FLT4: variants seen among roughly 807,000 people sequenced by gnomAD.
The protein encoded by FLT4 is vascular endothelial growth factor receptor 3.
Under a neutral mutation model 163.2 loss-of-function variants are expected in FLT4, and 30 were observed. The observed-to-expected ratio is 0.18, with a 90% CI of 0.14 to 0.25. The LOEUF is 0.25. Ranked by LOEUF, FLT4 falls within the 10% of genes least tolerant of loss-of-function variation. FLT4 has a pLI of 1.00. For synonymous variants in FLT4, 884 were observed against 789.5 expected (o/e 1.12, Z -2.01); for missense variants, 1,510 against 1,863.8 (o/e 0.81, Z 3.50).
At chr5:180,618,704 T>C in intron 21 of FLT4, 66 bp downstream of exon 21, 1 of 1,541,258 alleles carries the variant, frequency 6.5e-7, no homozygotes, top group South Asian at 1.2e-5. Context: ...CAGGCTGGGG[T>C]GCCTGATCAC....
In FLT4 at chr5:180,629,422, C is replaced by G. The variant is rs546055152; in HGVS notation, c.822G>C (p.Glu274Asp). The stretch of plus-strand genomic sequence containing the variant: ...GTCGCTCGGGCACCCACTTACCCCG[C>G]TCTGCCTGCCCGCACCCAGGGAAGC... ...FDWDYPGKQA[E>D]RGKWVPERRS... Residue 274 changes from glutamate to aspartate, a missense_variant, in exon 7 of 30, where the codon GAG (glutamate) becomes GAC (aspartate). This residue lies in a region of FLT4 where 163 missense variants were observed against 281.1 expected (regional missense o/e 0.58). Transcript: ENST00000261937. The G allele has an allele frequency of 1.9e-5, 31 of 1,610,974 alleles. No individual in the cohort carries two copies. Among genetic ancestry groups the G allele is most frequent in the Non-Finnish European group, 2.5e-5 (30 of 1,179,958 alleles).
At chr5:180,608,752 C>T (rs562895097) in intron 29 of FLT4, among the ~76,000 whole-genome samples, 1 of 152,264 alleles carries the variant, frequency 6.6e-6, no homozygotes, top group Non-Finnish European at 1.5e-5. Flanking sequence ...GGTGTCGGGA[C>T]CAGCGCCCAC....
intron 1 of FLT4, among the ~76,000 whole-genome samples, chr5:180,644,278 A>T (rs1296831561): frequency 1.3e-5 from 2 of 152,174 alleles, no homozygotes; most frequent in African/African-American, 4.8e-5. Flanking sequence ...GCGTGAGCGG[A>T]AAGAGGGCAC....
In FLT4 at chr5:180,607,549, G is replaced by A. The variant is rs530174876; in HGVS notation, c.3893+1419C>T. Among the ~76,000 whole-genome samples the A allele has an allele frequency of 6.2e-4, 94 of 151,796 alleles. 1 individual carries two copies. Among genetic ancestry groups the A allele is most frequent in the Admixed American group, 1.6e-3 (24 of 15,246 alleles). On this transcript the variant is annotated intron_variant, in intron 29 of 29. Coordinates refer to ENST00000261937, the MANE Select transcript of FLT4 (RefSeq NM_182925.5). ...CCAGCTACTCGGAAGGCTGAGGCAG[G>A]AGAATGGCGTGAACCCAGGAGGCGG...
chr5:180,615,618 C>CCGAAATCCACTGT, intron 23 of FLT4, among the ~76,000 whole-genome samples: 1 of 111,108 alleles, frequency 9.0e-6, no homozygotes, highest in African/African-American at 3.7e-5. Context: ...TTCTCCACTT[C>CCGAAATCCACTGT]CTTTCGGAGC....
At position 180,630,545 on chromosome 5, in the gene FLT4, C is replaced by T. The variant is rs749137232; in HGVS notation, c.400+10G>A. 6.2e-7 allele frequency: 1 copy of T among 1,612,746 alleles called. No homozygotes were observed. Among genetic ancestry groups the T allele is most frequent in the African/African-American group, 1.3e-5 (1 of 75,032 alleles). ...ACCCTGCTCCAGCCTGGCCCGCCTC[C>T]AAGTCTCACCTCTCACGAACACGTA... On this transcript the variant is annotated intron_variant, in intron 3 of 29. Coordinates refer to ENST00000261937, the MANE Select transcript of FLT4 (RefSeq NM_182925.5). The surrounding 1 kb of genome is among the most constrained non-coding windows in gnomAD (Gnocchi z 6.3).
At chr5:180,646,951 T>A (rs2127874951) in intron 1 of FLT4, among the ~76,000 whole-genome samples, 1 of 152,264 alleles carries the variant, frequency 6.6e-6, no homozygotes, top group Non-Finnish European at 1.5e-5. Context: ...GAACAGCACC[T>A]GCATTCGAGT....
At chr5:180,632,108 G>A (rs112179787) in intron 1 of FLT4, among the ~76,000 whole-genome samples, 8 of 152,150 alleles carry the variant, frequency 5.3e-5, no homozygotes, top group Admixed American at 3.9e-4. Context: ...GGGGAGGGGC[G>A]CTGGAGTGTG....
At chr5:180,604,826 T>C (rs1156764000) in intron 29 of FLT4, among the ~76,000 whole-genome samples, 1 of 152,268 alleles carries the variant, frequency 6.6e-6, no homozygotes, top group Non-Finnish European at 1.5e-5. Flanking sequence ...GTCTCTTTTC[T>C]ATTCCTGTCA....
chr5:180,649,535 C>G lies in FLT4; in HGVS notation c.11G>C (p.Gly4Ala), dbSNP rs999429850. Residue 4 changes from glycine (G) to alanine (A), a missense_variant, in exon 1 of 30, where the codon GGC becomes GCC. By Grantham distance (60) the Gly-to-Ala change is moderately conservative (BLOSUM62 0). Coordinates refer to ENST00000261937, the MANE Select transcript of FLT4 (RefSeq NM_182925.5). ...CCACAGTCGCAGGCACAGCGCGGCG[C>G]CCCGCTGCATCTCCGGCCGCTGCGC... MQR[G>A]AALCLRLWLC... 22 of 1,440,406 alleles carry G rather than the reference C, an allele frequency of 1.5e-5. No homozygotes were observed. In the Middle Eastern group the frequency reaches 7.5e-4, roughly 49 times the overall value. 89.2% of individuals were successfully genotyped at this position (1,440,406 alleles called of 1,614,324 possible).
At position 180,624,043 on chromosome 5, in the gene FLT4, T is replaced by TTGC. The variant is rs1255718966; in HGVS notation, c.1437_1439dup (p.Gln480dup). On this transcript the variant is annotated inframe_insertion, in exon 11 of 30. Coordinates refer to ENST00000261937, the MANE Select transcript of FLT4 (RefSeq NM_182925.5). ...AGTCACGGCACTGTGGCATGAGGTC[T>TTGC]TGCTGCTGCCGCCGCCGGCTGCCAG... 6.2e-7 allele frequency: 1 copy of TTGC among 1,612,942 alleles called. No homozygotes were observed.
intron 26 of FLT4, chr5:180,611,843 G>C (rs1034298433): frequency 5.4e-6 from 2 of 369,056 alleles, no homozygotes; most frequent in African/African-American, 4.1e-5. Flanking sequence ...AGCCCTTCCA[G>C]GTACATTTAT....
intron 22 of FLT4, 104 bp downstream of exon 22, chr5:180,616,796 T>C: frequency 2.1e-6 from 2 of 954,414 alleles, no homozygotes; most frequent in East Asian, 2.4e-5. Flanking sequence ...GAGACACTGA[T>C]GGACCACAGA....
Position 180,631,766 on chromosome 5 carries a change from C to T in FLT4, c.71G>A (p.Gly24Asp). The T allele has an allele frequency of 1.2e-6, 2 of 1,609,702 alleles. No homozygotes were observed. The highest frequency in any genetic ancestry group is 8.5e-7 in the Non-Finnish European group (1 of 1,179,590). ...CLGLLDGLVS[G>D]YSMTPPTLNI... The stretch of plus-strand genomic sequence containing the variant: ...CAAGGTCGGGGGGGTCATGGAGTAG[C>T]CACTCACCAGGCCTGGGGTGGGAGA... Residue 24 changes from glycine (G) to aspartate (D), a missense_variant, in exon 2 of 30, where the codon GGC becomes GAC. This residue lies in a region of FLT4 where 157 missense variants were observed against 178.7 expected (regional missense o/e 0.88). Transcript: ENST00000261937.
chr5:180,624,827 A>G (rs1478786174), intron 10 of FLT4, among the ~76,000 whole-genome samples: 5 of 152,214 alleles, frequency 3.3e-5, no homozygotes, highest in Non-Finnish European at 5.9e-5. Flanking sequence ...GCCTCCTGCC[A>G]GGATTGGGGG....
At chr5:180,631,799 A>G (rs770364883) in intron 1 of FLT4, 21 bp from the exon 2 acceptor site, 1 of 1,557,564 alleles carries the variant, frequency 6.4e-7, no homozygotes, top group Non-Finnish European at 8.8e-7. Flanking sequence ...AGACAGGGTC[A>G]GCGTGGTGCT....
chr5:180,624,741 G>GCCCAGCCTCTCCCTCTCTC (rs1334374732), intron 10 of FLT4, among the ~76,000 whole-genome samples: 1 of 152,208 alleles, frequency 6.6e-6, no homozygotes, highest in African/African-American at 2.4e-5. Context: ...AGGCATCTCT[G>GCCCAGCCTCTCCCTCTCTC]CCCAGCCTCT....
chr5:180,611,392 T>C lies in FLT4; in HGVS notation c.3625A>G (p.Ile1209Val), dbSNP rs767716663. Residue 1209 changes from isoleucine to valine, a missense_variant, in exon 27 of 30, where the codon ATC (isoleucine) becomes GTC (valine). Coordinates refer to ENST00000261937, the MANE Select transcript of FLT4 (RefSeq NM_182925.5). ...FSQVSTMALH[I>V]AQADAEDSPP... The stretch of plus-strand genomic sequence containing the variant: ...CTGTCCTCAGCGTCAGCCTGGGCGA[T>C]GTGTAGGGCCATGGTGGACACCTGC... 10 of 1,614,062 alleles carry C rather than the reference T, an allele frequency of 6.2e-6. No individual in the cohort carries two copies. Among genetic ancestry groups the C allele is most frequent in the Non-Finnish European group, 5.9e-6 (7 of 1,179,992 alleles).
intron 12 of FLT4, among the ~76,000 whole-genome samples, chr5:180,622,325 C>T (rs1271402027): frequency 6.7e-6 from 1 of 149,788 alleles, no homozygotes; most frequent in Non-Finnish European, 1.5e-5. Context: ...TTCTGGGACC[C>T]AGTGACGTCT....
Sources: allele counts gnomAD v4.1 joint callset (sites outside exome capture counted in the v4.1 genomes callset), GRCh38; gene constraint gnomAD v4.1.1; regional missense constraint gnomAD v4.1.1; non-coding constraint Gnocchi (gnomAD v3.1); transcripts MANE v1.5; gene names NCBI Gene and HGNC (gene_info 2026-07-23, HGNC 2026-07-21).